Variants in SHANK2 observed in about 807,000 individuals in gnomAD.
SHANK2 encodes the protein SH3 and multiple ankyrin repeat domains 2, also known as SH3 and multiple ankyrin repeat domains protein 2.
A neutral mutation model predicts 133.7 loss-of-function variants in SHANK2; 43 were observed. The observed-to-expected ratio is 0.32, with a 90% CI of 0.25 to 0.41. The LOEUF (loss-of-function observed/expected upper bound fraction) is 0.41. Among genes scored for constraint, SHANK2 ranks in the 10% least tolerant of loss-of-function variants. The pLI is 1.00. For missense variants in SHANK2, 1,994 were observed against 2,235.8 expected, an observed-to-expected ratio of 0.89 and a Z score of 2.18; for synonymous variants, 1,017 against 952.8, an observed-to-expected ratio of 1.07 and a Z score of -1.24.
chr11:70,500,085 G>A lies in SHANK2; in HGVS notation c.2308+485C>T, dbSNP rs1196935093. ...CAGTCTCCCACTCCACACCAGCCCT[G>A]GGTGGGGAGGTGTAGCCAAAGGGCT... On this transcript the variant is annotated intron_variant, in intron 21 of 25. Transcript: ENST00000601538. The surrounding 1 kb of genome is among the most constrained non-coding windows in gnomAD (Gnocchi z 4.5). Among the ~76,000 whole-genome samples the A allele has an allele frequency of 1.3e-5, 2 of 152,172 alleles. No individual in the cohort carries two copies. The highest frequency in any genetic ancestry group is 2.4e-5 in the African/African-American group (1 of 41,446).
chr11:70,644,663 AT>A (rs1178547946), intron 17 of SHANK2, among the ~76,000 whole-genome samples: 1 of 152,208 alleles, frequency 6.6e-6, no homozygotes, highest in Non-Finnish European at 1.5e-5. Flanking sequence ...CCCAGAGACA[AT>A]GCAGATCTCA....
rs1428021003 is a variant in SHANK2, at chr11:71,175,539, GGAGAGGGAGAGGGAGAGA to G, written c.-12-28219_-12-28202del. 3.4e-3 allele frequency among the ~76,000 whole-genome samples: 269 copies of G among 79,658 alleles called. 3 individuals carry two copies. Among genetic ancestry groups the G allele is most frequent in the African/African-American group, 0.014 (250 of 18,404 alleles). The allele number at this position is 79,658 out of a possible 152,430, so 52.3% of individuals were successfully genotyped here. On this transcript the variant is annotated intron_variant, in intron 2 of 25. Transcript: ENST00000601538. The surrounding 1 kb of genome is among the most constrained non-coding windows in gnomAD (Gnocchi z 4.2). ...GAAACAGACAGACAGACAGACAGAG[GGAGAGGGAGAGGGAGAGA>G]GAGAGAGAGAGAGAGAGAGAGAGAG...
chr11:70,786,151 A>C (rs1947649575), intron 14 of SHANK2, among the ~76,000 whole-genome samples: 1 of 152,218 alleles, frequency 6.6e-6, no homozygotes, highest in African/African-American at 2.4e-5. Flanking sequence ...CAGGGCTTAT[A>C]AATGACGGGG....
chr11:70,729,921 G>T (rs937359816), intron 14 of SHANK2, among the ~76,000 whole-genome samples: 12 of 145,918 alleles, frequency 8.2e-5, no homozygotes, highest in African/African-American at 2.5e-5. Context: ...AAAAAAAGCC[G>T]ATAGGTGCCT....
chr11:70,855,053 T>G (rs1555066568), intron 11 of SHANK2, among the ~76,000 whole-genome samples: 1 of 152,210 alleles, frequency 6.6e-6, no homozygotes, highest in Non-Finnish European at 1.5e-5. Flanking sequence ...ATCTGGACAC[T>G]CTCAGTGACC....
chr11:70,768,852 C>T (rs1409207450), intron 14 of SHANK2, among the ~76,000 whole-genome samples: 1 of 152,076 alleles, frequency 6.6e-6, no homozygotes, highest in African/African-American at 2.4e-5. Context: ...GGTTCTCACC[C>T]TGCACATGGG....
chr11:70,799,811 T>G (rs1472541991), intron 13 of SHANK2, among the ~76,000 whole-genome samples: 1 of 152,140 alleles, frequency 6.6e-6, no homozygotes, highest in Non-Finnish European at 1.5e-5. Context: ...GGGTACACAG[T>G]AGGCCCTCAA....
intron 2 of SHANK2, among the ~76,000 whole-genome samples, chr11:71,217,429 TG>T (rs1299689806): frequency 6.8e-6 from 1 of 147,212 alleles, no homozygotes; most frequent in Admixed American, 6.8e-5. Context: ...ACATGATCCC[TG>T]GAAGTGGAGG....
intron 11 of SHANK2, among the ~76,000 whole-genome samples, chr11:70,831,043 G>A (rs558531506): frequency 1.6e-4 from 25 of 152,324 alleles, no homozygotes; most frequent in Non-Finnish European, 2.8e-4. Flanking sequence ...ATTTCAAATG[G>A]ATTTCATTCT....
chr11:70,497,898 G>C (rs532809376), intron 21 of SHANK2, among the ~76,000 whole-genome samples: 2 of 152,382 alleles, frequency 1.3e-5, no homozygotes, highest in African/African-American at 4.8e-5. Flanking sequence ...CCACTGTCCA[G>C]CGAGTTCCTT....
At chr11:70,662,473 C>G (rs11237104) in intron 15 of SHANK2, among the ~76,000 whole-genome samples, 14,911 of 152,234 alleles carry the variant, frequency 0.098, 842 homozygotes, top group Non-Finnish European at 0.12. Flanking sequence ...AGCGTCCCCC[C>G]GGTCCCTTGC....
chr11:70,951,668 C>T (rs992787063), intron 10 of SHANK2, among the ~76,000 whole-genome samples: 4 of 132,494 alleles, frequency 3.0e-5, no homozygotes, highest in Admixed American at 7.8e-5. Flanking sequence ...GCTGCTGTGC[C>T]GTGACATCAT....
At chr11:70,909,021 C>G (rs780240765) in intron 10 of SHANK2, among the ~76,000 whole-genome samples, 1 of 152,070 alleles carries the variant, frequency 6.6e-6, no homozygotes, top group Non-Finnish European at 1.5e-5. Context: ...ATAAAAACCT[C>G]GAAAAACATC....
In SHANK2 at chr11:70,472,498, A is replaced by C; in HGVS notation, c.*371T>G. The C allele has an allele frequency of 3.0e-6, 1 of 337,198 alleles. No homozygotes were observed. Among genetic ancestry groups the C allele is most frequent in the Non-Finnish European group, 5.7e-6 (1 of 175,856 alleles). The allele number at this position is 337,198 out of a possible 1,614,324, so 20.9% of individuals were successfully genotyped here. A position where few individuals can be genotyped will look rare whatever the true frequency, so the allele number is the denominator to read the frequency against. ...GCAGAGGACGGAGGTCTCAGGAGGT[A>C]TCTAGAGTGCACTGGTGTCTGCCTA... On this transcript the variant is annotated 3_prime_UTR_variant, in exon 26 of 26. Coordinates refer to ENST00000601538, the MANE Select transcript of SHANK2 (RefSeq NM_012309.5). The surrounding 1 kb of genome is among the most constrained non-coding windows in gnomAD (Gnocchi z 4.4).
intron 2 of SHANK2, among the ~76,000 whole-genome samples, chr11:71,151,790 C>CG (rs147640187): frequency 0.37 from 55,518 of 152,008 alleles, 12,835 homozygotes; most frequent in African/African-American, 0.66. Context: ...CAAGAGCAGG[C>CG]AGAGACCGTC....
At chr11:71,111,671 C>T (rs1555099266) in intron 5 of SHANK2, among the ~76,000 whole-genome samples, 4 of 152,240 alleles carry the variant, frequency 2.6e-5, no homozygotes, top group African/African-American at 9.6e-5. Context: ...AACCTCCTGG[C>T]ACGTGCTAGA....
chr11:70,493,605 CCTGGAGAG>C (rs2058928750), intron 21 of SHANK2, among the ~76,000 whole-genome samples: 2 of 152,014 alleles, frequency 1.3e-5, no homozygotes, highest in Admixed American at 6.6e-5. Context: ...GCCACTGAGA[CCTGGAGAG>C]CTGGTCTTCC....
intron 2 of SHANK2, among the ~76,000 whole-genome samples, chr11:71,163,094 ATACAT>A (rs1422157156): frequency 2.0e-4 from 16 of 80,446 alleles, no homozygotes; most frequent in East Asian, 2.0e-3. Flanking sequence ...AAAAAAAAAA[ATACAT>A]ATATATATAT....
At chr11:70,827,450 G>A (rs1948660083) in intron 11 of SHANK2, among the ~76,000 whole-genome samples, 1 of 152,050 alleles carries the variant, frequency 6.6e-6, no homozygotes, top group Admixed American at 6.5e-5. Flanking sequence ...CCTACATGGA[G>A]AAAGTCAGAT....
Sources: allele counts gnomAD v4.1 joint callset (sites outside exome capture counted in the v4.1 genomes callset), GRCh38; gene constraint gnomAD v4.1.1; non-coding constraint Gnocchi (gnomAD v3.1); transcripts MANE v1.5; gene names NCBI Gene and HGNC (gene_info 2026-07-23, HGNC 2026-07-21).